EYS: variants seen among roughly 807,000 people sequenced by gnomAD.
EYS encodes protein eyes shut homolog.
A neutral mutation model predicts 282.1 loss-of-function variants in EYS; 250 were observed. That is an observed-to-expected ratio of 0.89 (90% CI 0.80 to 0.98). The LOEUF (loss-of-function observed/expected upper bound fraction) is 0.98, where lower values mean the gene tolerates loss of function less well. Ranked by LOEUF, EYS falls within the 50% of genes least tolerant of loss-of-function variation. EYS has a pLI of 0.00. For missense variants in EYS, 4,016 were observed against 3,709.0 expected (o/e 1.08, Z -2.15); for synonymous variants, 1,355 against 1,282.9 (o/e 1.06, Z -1.20).
At chr6:65,276,583 A>G (rs568642166) in intron 12 of EYS, among the ~76,000 whole-genome samples, 55 of 152,286 alleles carry the variant, frequency 3.6e-4, no homozygotes, top group Non-Finnish European at 6.2e-4. Flanking sequence ...AAGGAAGGCT[A>G]TATCTGGAAT....
At chr6:65,464,460 AT>A (rs1355129810) in intron 5 of EYS, among the ~76,000 whole-genome samples, 2 of 152,228 alleles carry the variant, frequency 1.3e-5, no homozygotes, top group African/African-American at 4.8e-5. Context: ...AAAACTGAAA[AT>A]AAGACTAAAG....
chr6:63,889,528 A>G (rs1773354464), intron 35 of EYS, among the ~76,000 whole-genome samples: 2 of 152,218 alleles, frequency 1.3e-5, no homozygotes, highest in Non-Finnish European at 1.5e-5. Context: ...ACTATGCTTC[A>G]TAAGTGAAGG....
chr6:65,329,981 C>A, intron 11 of EYS: 13 of 981,242 alleles, frequency 1.3e-5, no homozygotes, highest in Non-Finnish European at 1.5e-5. Context: ...ATGTGAATCT[C>A]CTAAAATAGC....
At position 65,353,549 on chromosome 6, in the gene EYS, T is replaced by C. The variant is rs1188605192; in HGVS notation, c.1368A>G (p.Gln456=). ...WFLKNVYLIH[Q]HLCYCGVTFH... is the part of the protein sequence containing the mutation. ...AGGTGACTCCACAGTAGCAGAGGTG[T>C]TGATGAATTAGGTAAACATTCTTCA... The change falls in exon 9 of 43, where the codon CAA becomes CAG. Residue 456 remains glutamine (Q), a synonymous_variant. Transcript: ENST00000503581. 2 of 1,613,140 alleles carry C rather than the reference T, an allele frequency of 1.2e-6. No homozygotes were observed. Among genetic ancestry groups the C allele is most frequent in the Non-Finnish European group, 1.7e-6 (2 of 1,179,490 alleles).
intron 12 of EYS, among the ~76,000 whole-genome samples, chr6:65,086,268 A>G (rs994178939): frequency 6.6e-6 from 1 of 151,972 alleles, no homozygotes; most frequent in African/African-American, 2.4e-5. Context: ...TTGAGCCGAG[A>G]TTGTGCCATT....
At chr6:65,331,752 TCTATG>T in intron 11 of EYS, 1 of 979,676 alleles carries the variant, frequency 1.0e-6, no homozygotes, top group Non-Finnish European at 1.2e-6. Context: ...TGAGCACTAT[TCTATG>T]TGTCTTTTGT....
intron 2 of EYS, among the ~76,000 whole-genome samples, chr6:65,510,475 A>G (rs937137146): frequency 9.2e-5 from 14 of 152,066 alleles, no homozygotes; most frequent in Non-Finnish European, 1.6e-4. Flanking sequence ...TGGGATATAC[A>G]TTTTTAAAAC....
intron 2 of EYS, among the ~76,000 whole-genome samples, chr6:65,564,282 TCA>T (rs1769186854): frequency 6.6e-6 from 1 of 152,172 alleles, no homozygotes; most frequent in Non-Finnish European, 1.5e-5. Context: ...ACATTAAATT[TCA>T]TATGGAACCA....
chr6:64,179,648 G>C lies in EYS; in HGVS notation c.6424+50944C>G, dbSNP rs527843857. The stretch of plus-strand genomic sequence containing the variant: ...GTTTATAAAATATCCTTGGTGCCAA[G>C]TGAATTGTTATAAAATCTTAAATTC... On this transcript the variant is annotated intron_variant, in intron 31 of 42. Transcript: ENST00000503581. Among the ~76,000 whole-genome samples the C allele has an allele frequency of 7.9e-5, 12 of 152,206 alleles. No individual in the cohort carries two copies. In the East Asian group the frequency reaches 1.5e-3, roughly 20 times the overall value.
chr6:65,634,608 C>T (rs1211243874), intron 2 of EYS, among the ~76,000 whole-genome samples: 1 of 152,226 alleles, frequency 6.6e-6, no homozygotes. Context: ...ATATTTCAAA[C>T]TTGACTTCTG....
chr6:64,407,818 G>A (rs571013059), intron 28 of EYS, among the ~76,000 whole-genome samples: 21 of 152,046 alleles, frequency 1.4e-4, no homozygotes, highest in East Asian at 5.8e-4. Context: ...TGCAACCTCC[G>A]CCTCCTGGGT....
chr6:65,300,653 C>G (rs1265079777), intron 11 of EYS, among the ~76,000 whole-genome samples: 1 of 152,116 alleles, frequency 6.6e-6, no homozygotes, highest in African/African-American at 2.4e-5. Flanking sequence ...GTTTGAAATT[C>G]CATGTATTCA....
chr6:63,839,421 C>G (rs11754826), intron 36 of EYS, among the ~76,000 whole-genome samples: 1 of 151,998 alleles, frequency 6.6e-6, no homozygotes, highest in African/African-American at 2.4e-5. Flanking sequence ...GAATAGCATT[C>G]CATTGTGTAT....
intron 24 of EYS, among the ~76,000 whole-genome samples, chr6:64,603,124 C>G (rs990326001): frequency 1.3e-5 from 2 of 152,034 alleles, no homozygotes; most frequent in African/African-American, 4.8e-5. Flanking sequence ...CACTGCCCTA[C>G]CTGGTAGCTC....
At chr6:65,193,242 T>G (rs1765684883) in intron 12 of EYS, among the ~76,000 whole-genome samples, 2 of 151,890 alleles carry the variant, frequency 1.3e-5, no homozygotes, top group Non-Finnish European at 2.9e-5. Flanking sequence ...TAGATAAATT[T>G]TAAGTAAATG....
intron 33 of EYS, among the ~76,000 whole-genome samples, chr6:64,031,006 G>A (rs750354339): frequency 4.4e-4 from 67 of 152,344 alleles, no homozygotes; most frequent in South Asian, 8.3e-4. Context: ...AGGTGACGGC[G>A]TGTGCCCTCA....
At chr6:64,082,590 A>T (rs986508478) in intron 31 of EYS, among the ~76,000 whole-genome samples, 1 of 152,180 alleles carries the variant, frequency 6.6e-6, no homozygotes, top group African/African-American at 2.4e-5. Context: ...AAATTCTGTG[A>T]CACACAAAGG....
In EYS at chr6:63,834,519, G is replaced by A. The variant is rs370475254; in HGVS notation, c.7229-28147C>T. Among the ~76,000 whole-genome samples, 6 of 152,010 alleles carry A rather than the reference G, an allele frequency of 3.9e-5. No homozygotes were observed. In the East Asian group the frequency reaches 1.2e-3, roughly 29 times the overall value. ...CACAATGAGATACCATCTCACACCA[G>A]TTAGAATGGCAATCATTAAAAAGTC... On this transcript the variant is annotated intron_variant, in intron 36 of 42. Coordinates refer to ENST00000503581, the MANE Select transcript of EYS (RefSeq NM_001142800.2).
intron 31 of EYS, among the ~76,000 whole-genome samples, chr6:64,108,738 C>T (rs139719227): frequency 6.6e-4 from 100 of 152,080 alleles, no homozygotes; most frequent in African/African-American, 2.3e-3. Context: ...ACTTTCCACC[C>T]GATCTCTCCT....
Sources: gnomAD v4.1 joint callset for allele counts (sites outside exome capture counted in the v4.1 genomes callset) on GRCh38, gnomAD v4.1.1 for gene constraint, MANE v1.5 for transcripts, NCBI Gene and HGNC (gene_info 2026-07-23, HGNC 2026-07-21) for gene names.